The following UVRAG variants were observed in gnomAD, a reference collection of about 807,000 sequenced individuals.
UVRAG encodes the protein UV radiation resistance associated, also known as UV radiation resistance-associated gene protein.
Under a neutral mutation model 78.0 loss-of-function variants are expected in UVRAG, and 19 were observed. The ratio of observed to expected loss-of-function variants is 0.24; its 90% CI spans 0.17 to 0.36. The LOEUF is 0.36. Ranked by LOEUF, UVRAG falls within the 10% of genes least tolerant of loss-of-function variation. The probability of loss-of-function intolerance (pLI) is 1.00; values close to 1 mark genes in which losing one functional copy is unlikely to be tolerated. For missense variants in UVRAG, 740 were observed against 853.8 expected (o/e 0.87, Z 1.66); for synonymous variants, 323 against 324.6 (o/e 1.00, Z 0.05).
intron 7 of UVRAG, among the ~76,000 whole-genome samples, chr11:75,976,853 T>C (rs1949254306): frequency 6.6e-6 from 1 of 152,216 alleles, no homozygotes; most frequent in African/African-American, 2.4e-5. Context: ...AAGGTTTTTT[T>C]GTGTCTCTAT....
At chr11:75,960,752 G>A (rs1006632461) in intron 6 of UVRAG, among the ~76,000 whole-genome samples, 3 of 152,112 alleles carry the variant, frequency 2.0e-5, no homozygotes, top group Non-Finnish European at 4.4e-5. Context: ...GGGCGACAGA[G>A]TGACATCCTG....
intron 3 of UVRAG, among the ~76,000 whole-genome samples, chr11:75,863,116 A>G (rs111983586): frequency 6.6e-6 from 1 of 152,158 alleles, no homozygotes; most frequent in African/African-American, 2.4e-5. Context: ...CTCTTCATCA[A>G]GCTGTCTTTG....
chr11:75,840,565 G>A (rs1175000020), intron 1 of UVRAG, among the ~76,000 whole-genome samples: 3 of 152,182 alleles, frequency 2.0e-5, no homozygotes, highest in Admixed American at 6.5e-5. Flanking sequence ...ATAATTTAGT[G>A]CTTAGTAAAT....
At chr11:75,889,175 G>T (rs1388635634) in intron 5 of UVRAG, among the ~76,000 whole-genome samples, 2 of 152,144 alleles carry the variant, frequency 1.3e-5, no homozygotes, top group Non-Finnish European at 2.9e-5. Context: ...ATAACTCTTT[G>T]GGGGTTAAGA....
chr11:76,028,811 A>C (rs1381843463), intron 12 of UVRAG, among the ~76,000 whole-genome samples: 1 of 152,190 alleles, frequency 6.6e-6, no homozygotes, highest in East Asian at 1.9e-4. Context: ...GTACAAGGTG[A>C]AGCAGGAAGT....
chr11:76,010,148 C>A (rs1287406857), intron 11 of UVRAG, among the ~76,000 whole-genome samples: 1 of 152,142 alleles, frequency 6.6e-6, no homozygotes, highest in African/African-American at 2.4e-5. Context: ...TATCTTGAAG[C>A]CCATGGCGCA....
At chr11:75,967,891 T>C (rs779173495) in intron 7 of UVRAG, among the ~76,000 whole-genome samples, 4 of 152,208 alleles carry the variant, frequency 2.6e-5, no homozygotes, top group Non-Finnish European at 5.9e-5. Flanking sequence ...ATATGTTTTA[T>C]CTTACAAGAC....
chr11:76,109,916 G>A (rs1952041687), intron 13 of UVRAG, among the ~76,000 whole-genome samples: 1 of 152,182 alleles, frequency 6.6e-6, no homozygotes. Context: ...CTCACATCAT[G>A]TATCAGTCTT....
chr11:76,127,490 T>C (rs1952427503), intron 14 of UVRAG, among the ~76,000 whole-genome samples: 1 of 150,510 alleles, frequency 6.6e-6, no homozygotes, highest in Non-Finnish European at 1.5e-5. Context: ...CCGTCTCTAT[T>C]AATACAGAAA....
chr11:75,878,875 G>C (rs1946874250), intron 3 of UVRAG, among the ~76,000 whole-genome samples: 1 of 146,502 alleles, frequency 6.8e-6, no homozygotes, highest in African/African-American at 2.6e-5. Context: ...GAGAGACCGT[G>C]GGGAGACGGG....
At chr11:75,955,563 T>A (rs977138152) in intron 6 of UVRAG, among the ~76,000 whole-genome samples, 46 of 152,126 alleles carry the variant, frequency 3.0e-4, no homozygotes, top group African/African-American at 1.1e-3. Flanking sequence ...TGCACAGATC[T>A]TAAGTGTAAA....
intron 12 of UVRAG, among the ~76,000 whole-genome samples, chr11:76,060,542 C>T (rs1219671671): frequency 6.6e-6 from 1 of 152,244 alleles, no homozygotes; most frequent in Non-Finnish European, 1.5e-5. Context: ...CCGGCTCCTT[C>T]AGCTTGCAGG....
chr11:75,977,748 T>A (rs906485388), intron 7 of UVRAG, among the ~76,000 whole-genome samples: 2 of 152,188 alleles, frequency 1.3e-5, no homozygotes, highest in African/African-American at 4.8e-5. Context: ...ATCCCTTTAT[T>A]TTGAGCCTAT....
At chr11:75,906,342 T>G (rs1947613817) in intron 5 of UVRAG, among the ~76,000 whole-genome samples, 1 of 151,986 alleles carries the variant, frequency 6.6e-6, no homozygotes, top group Non-Finnish European at 1.5e-5. Context: ...TATAGTGGGT[T>G]TTTTTGTTTG....
At chr11:75,988,991 G>A (rs528009987) in intron 8 of UVRAG, among the ~76,000 whole-genome samples, 2 of 152,096 alleles carry the variant, frequency 1.3e-5, no homozygotes, top group East Asian at 1.9e-4. Context: ...TCAAATATAC[G>A]CTTTATATGT....
In UVRAG at chr11:75,880,025, A is replaced by G. The variant is rs748746208; in HGVS notation, c.417A>G (p.Lys139=). Residue 139 remains lysine (K), a synonymous_variant, in exon 4 of 15, where the codon AAA becomes AAG. Transcript: ENST00000356136. ...GGAAAGTCTGTTTGGATGGGCTGAA[A>G]TACTTGGGTCAGCAGGTAATTTTTA... ...IEWKVCLDGL[K]YLGQQIHARN... 2 of 1,614,052 alleles carry G rather than the reference A, an allele frequency of 1.2e-6. No homozygotes were observed.
intron 12 of UVRAG, among the ~76,000 whole-genome samples, chr11:76,058,534 C>CAAAA (rs71471400): frequency 1.3e-4 from 15 of 111,304 alleles, no homozygotes; most frequent in African/African-American, 4.3e-4. Flanking sequence ...ACCCTATCTC[C>CAAAA]AAAAAAAAAA....
In UVRAG at chr11:75,828,803, A is replaced by ATTT. The variant is rs1412890541; in HGVS notation, c.117+13280_117+13281insTTT. Among the ~76,000 whole-genome samples, 123 of 85,446 alleles carry ATTT rather than the reference A, an allele frequency of 1.4e-3. 1 individual carries two copies. The highest frequency in any genetic ancestry group is 1.7e-3 in the Non-Finnish European group (79 of 46,088). The allele number at this position is 85,446 out of a possible 152,430, so 56.1% of individuals were successfully genotyped here. ...CACATATATATATATATATATATAT[A>ATTT]TATTTTTTTTTTTTTGTAGAGACAG... On this transcript the variant is annotated intron_variant, in intron 1 of 14. Coordinates refer to ENST00000356136, the MANE Select transcript of UVRAG (RefSeq NM_003369.4).
At chr11:76,083,471 T>C (rs951645476) in intron 13 of UVRAG, among the ~76,000 whole-genome samples, 1 of 152,212 alleles carries the variant, frequency 6.6e-6, no homozygotes, top group Non-Finnish European at 1.5e-5. Flanking sequence ...ATTTCCCAAA[T>C]GCCTAATAGT....
Sources: gnomAD v4.1 joint callset for allele counts (sites outside exome capture counted in the v4.1 genomes callset) on GRCh38, gnomAD v4.1.1 for gene constraint, MANE v1.5 for transcripts, NCBI Gene and HGNC (gene_info 2026-07-23, HGNC 2026-07-21) for gene names.